TAPT1: variants seen among roughly 807,000 people sequenced by gnomAD.
TAPT1 encodes the protein transmembrane anterior posterior transformation protein 1 homolog.
In TAPT1, 28 loss-of-function variants were observed where a neutral mutation model predicts 65.6. The ratio of observed to expected loss-of-function variants is 0.43; its 90% CI spans 0.32 to 0.59. TAPT1 has a LOEUF of 0.59. Ranked by LOEUF, TAPT1 falls within the 20% of genes least tolerant of loss-of-function variation. The pLI is 0.09. For synonymous variants in TAPT1, 278 were observed against 245.2 expected, an observed-to-expected ratio of 1.13 and a Z score of -1.25; for missense variants, 563 against 679.9, an observed-to-expected ratio of 0.83 and a Z score of 1.91.
intron 1 of TAPT1, chr4:16,216,058 A>G (rs1284064583): frequency 6.6e-6 from 1 of 152,204 alleles, no homozygotes. Flanking sequence ...TTCCACATAT[A>G]TAATTTTTCA....
intron 1 of TAPT1, among the ~76,000 whole-genome samples, chr4:16,225,209 G>T (rs201012862): frequency 2.1e-4 from 32 of 152,310 alleles, no homozygotes; most frequent in African/African-American, 7.7e-4. Context: ...CCTACGTCCA[G>T]TTCTGGGAAT....
intron 4 of TAPT1, chr4:16,190,233 C>T (rs1368893708): frequency 1.3e-5 from 2 of 152,286 alleles, no homozygotes; most frequent in African/African-American, 4.8e-5. Flanking sequence ...GCAGCCCCCA[C>T]CCCATCTGTC....
chr4:16,191,255 A>C, intron 4 of TAPT1, 106 bp downstream of exon 4: 1 of 1,196,900 alleles, frequency 8.4e-7, no homozygotes, highest in Non-Finnish European at 1.2e-6. Flanking sequence ...CAGAAGCACC[A>C]TAACTAGAGT....
chr4:16,202,615 G>T, intron 2 of TAPT1, 35 bp from the exon 3 acceptor site: 1 of 1,100,430 alleles, frequency 9.1e-7, no homozygotes, highest in Non-Finnish European at 1.3e-6. Context: ...AAAAAAAAAA[G>T]TATTTTAAAA....
intron 2 of TAPT1, among the ~76,000 whole-genome samples, chr4:16,208,706 T>C (rs1429402566): frequency 6.6e-6 from 1 of 152,240 alleles, no homozygotes; most frequent in Non-Finnish European, 1.5e-5. Flanking sequence ...TCTTCTAGAT[T>C]TGTTGAAAAA....
chr4:16,165,937 G>A (rs147837492), intron 13 of TAPT1, among the ~76,000 whole-genome samples: 259 of 152,232 alleles, frequency 1.7e-3, no homozygotes, highest in African/African-American at 6.0e-3. Context: ...AATGTCAGCT[G>A]CACCATGCCA....
At chr4:16,172,552 G>A (rs1748073262) in intron 11 of TAPT1, among the ~76,000 whole-genome samples, 1 of 152,072 alleles carries the variant, frequency 6.6e-6, no homozygotes, top group African/African-American at 2.4e-5. Flanking sequence ...GCAAAAGAAA[G>A]CTATATTATG....
At chr4:16,221,531 CT>C (rs1192092805) in intron 1 of TAPT1, among the ~76,000 whole-genome samples, 7 of 151,874 alleles carry the variant, frequency 4.6e-5, no homozygotes, top group African/African-American at 1.5e-4. Context: ...TTCTTCACCC[CT>C]AAAAGAAAAA....
chr4:16,199,921 C>T (rs1237753189), intron 3 of TAPT1, among the ~76,000 whole-genome samples: 1 of 152,092 alleles, frequency 6.6e-6, no homozygotes, highest in Non-Finnish European at 1.5e-5. Flanking sequence ...ATTTTATGTG[C>T]CCTGTACCCC....
intron 1 of TAPT1, among the ~76,000 whole-genome samples, chr4:16,217,402 TAAGAA>T (rs1174877427): frequency 5.9e-5 from 9 of 152,090 alleles, no homozygotes; most frequent in African/African-American, 2.2e-4. Flanking sequence ...GGGAAGTGAC[TAAGAA>T]AAGAAAGAAT....
At chr4:16,170,351 G>A (rs534713823) in intron 12 of TAPT1, among the ~76,000 whole-genome samples, 1 of 152,348 alleles carries the variant, frequency 6.6e-6, no homozygotes, top group Admixed American at 6.5e-5. Flanking sequence ...ATGAAAACAT[G>A]TCTGCAATGG....
chr4:16,178,177 A>T (rs1310604366), intron 8 of TAPT1, among the ~76,000 whole-genome samples: 1 of 152,144 alleles, frequency 6.6e-6, no homozygotes, highest in Non-Finnish European at 1.5e-5. Flanking sequence ...CCATTCACTA[A>T]AACAAATTTG....
At chr4:16,176,072 C>T in intron 9 of TAPT1, 47 bp downstream of exon 9, 1 of 899,026 alleles carries the variant, frequency 1.1e-6, no homozygotes, top group Non-Finnish European at 1.6e-6. Flanking sequence ...AAAAATTAAG[C>T]AACAGAAGTA....
chr4:16,226,611 C>A, upstream of TAPT1: 1 of 364,316 alleles, frequency 2.7e-6, no homozygotes, highest in Non-Finnish European at 3.8e-6. Context: ...CCATTGGCGT[C>A]AGCGACGCGT....
At chr4:16,202,636 A>C in intron 2 of TAPT1, 56 bp from the exon 3 acceptor site, 1 of 958,240 alleles carries the variant, frequency 1.0e-6, no homozygotes, top group South Asian at 1.6e-5. Context: ...ATACTTGTAG[A>C]TGAAAATTCC....
intron 12 of TAPT1, among the ~76,000 whole-genome samples, chr4:16,167,591 G>A (rs1188165426): frequency 1.3e-5 from 2 of 152,190 alleles, no homozygotes; most frequent in African/African-American, 4.8e-5. Context: ...ACTCTGGGGT[G>A]AAGTGTGTCT....
chr4:16,194,922 G>A (rs1012354319), intron 3 of TAPT1, among the ~76,000 whole-genome samples: 2 of 149,944 alleles, frequency 1.3e-5, no homozygotes, highest in Admixed American at 6.6e-5. Flanking sequence ...AGTACAGACA[G>A]GGTTTCACCA....
rs565370336 is a variant in TAPT1 at position 16,163,113 on chromosome 4, G to T, written c.*195C>A. On this transcript the variant is annotated 3_prime_UTR_variant, in exon 14 of 14. Transcript: ENST00000405303. ...TCAAGCTTCCCAGACAGTCAAGGCC[G>T]GAGGTCGCTCCTGTCCTGTGGTCTG... The T allele has an allele frequency of 2.1e-4, 135 of 647,810 alleles. 2 individuals are homozygous for T. In the African/African-American group the frequency reaches 2.3e-3, roughly 11 times the overall value. 40.1% of individuals were successfully genotyped at this position (647,810 alleles called of 1,614,324 possible). A position where few individuals can be genotyped will look rare whatever the true frequency, so the allele number is the denominator to read the frequency against.
At chr4:16,215,630 A>T (rs1033655200) in intron 1 of TAPT1, among the ~76,000 whole-genome samples, 3 of 152,218 alleles carry the variant, frequency 2.0e-5, no homozygotes, top group African/African-American at 7.2e-5. Flanking sequence ...ACGCAACAGG[A>T]GGCGGAATCT....
Sources: allele counts gnomAD v4.1 joint callset (sites outside exome capture counted in the v4.1 genomes callset), GRCh38; gene constraint gnomAD v4.1.1; transcripts MANE v1.5; gene names NCBI Gene and HGNC (gene_info 2026-07-23, HGNC 2026-07-21).